The following ELL variants were observed in gnomAD, a reference collection of about 807,000 sequenced individuals.
ELL encodes RNA polymerase II elongation factor ELL.
Under a neutral mutation model 64.0 loss-of-function variants are expected in ELL, and 18 were observed. The ratio of observed to expected loss-of-function variants is 0.28; its 90% CI spans 0.19 to 0.42. ELL has a LOEUF of 0.42. Among genes scored for constraint, ELL ranks in the 10% least tolerant of loss-of-function variants. The pLI is 1.00. For missense variants in ELL, 797 were observed against 870.4 expected (o/e 0.92, Z 1.06); for synonymous variants, 399 against 376.2 (o/e 1.06, Z -0.70).
intron 1 of ELL, among the ~76,000 whole-genome samples, chr19:18,506,867 T>C (rs1975893827): frequency 6.6e-6 from 1 of 152,176 alleles, no homozygotes; most frequent in Non-Finnish European, 1.5e-5. Context: ...CCCTGTCTCA[T>C]TGATCCTACG....
In ELL at chr19:18,465,911, G is replaced by A. The variant is rs142979628; in HGVS notation, c.191C>T (p.Ser64Phe). 6.7e-5 allele frequency: 89 copies of A among 1,320,456 alleles called. No homozygotes were observed. In the African/African-American group the frequency reaches 8.4e-4, roughly 12 times the overall value. 81.8% of individuals were successfully genotyped at this position (1,320,456 alleles called of 1,614,324 possible). Residue 64 changes from serine to phenylalanine, a missense_variant, in exon 3 of 12, where the codon TCC (serine) becomes TTC (phenylalanine). By Grantham distance (155) the Ser-to-Phe change is radical. Coordinates refer to ENST00000262809, the MANE Select transcript of ELL (RefSeq NM_006532.4). ...IRFQGSQGHISIPQPDCPAEA... is the reference protein window; with the variant it reads ...IRFQGSQGHIFIPQPDCPAEA... ...TGCGGGGCAGTCAGGCTGGGGGATG[G>A]AGATGTGCTGCGTGGAGGGGGAGGG...
chr19:18,445,705 G>C (rs1205045402), intron 10 of ELL, among the ~76,000 whole-genome samples: 1 of 152,108 alleles, frequency 6.6e-6, no homozygotes, highest in Non-Finnish European at 1.5e-5. Flanking sequence ...GATTAATCAG[G>C]GCCCAGCCCT....
intron 6 of ELL, among the ~76,000 whole-genome samples, chr19:18,456,945 A>T (rs1974691515): frequency 6.8e-6 from 1 of 146,680 alleles, no homozygotes; most frequent in Non-Finnish European, 1.5e-5. Context: ...TTTCTTAGGG[A>T]TGGGGTGCTA....
intron 6 of ELL, among the ~76,000 whole-genome samples, chr19:18,457,452 C>T (rs919989108): frequency 1.3e-5 from 2 of 152,234 alleles, no homozygotes; most frequent in Non-Finnish European, 2.9e-5. Flanking sequence ...GACAGGCAGG[C>T]ACTACCCTCT....
intron 1 of ELL, among the ~76,000 whole-genome samples, chr19:18,484,874 T>C (rs1048047142): frequency 2.6e-5 from 4 of 152,184 alleles, no homozygotes; most frequent in Non-Finnish European, 5.9e-5. Flanking sequence ...CTTCTGCCCA[T>C]GGTCTGCGGT....
intron 1 of ELL, among the ~76,000 whole-genome samples, chr19:18,520,177 A>AC (rs1976231762): frequency 6.6e-6 from 1 of 152,354 alleles, no homozygotes; most frequent in African/African-American, 2.4e-5. Context: ...GGGCAGCATC[A>AC]GAGAGAAGGC....
chr19:18,469,403 G>A (rs977998565), intron 2 of ELL, among the ~76,000 whole-genome samples: 6 of 152,204 alleles, frequency 3.9e-5, no homozygotes, highest in Non-Finnish European at 8.8e-5. Context: ...CCAGGAATGC[G>A]GCCACTTTCT....
intron 1 of ELL, among the ~76,000 whole-genome samples, chr19:18,521,386 C>T (rs538505653): frequency 6.6e-6 from 1 of 152,138 alleles, no homozygotes; most frequent in East Asian, 1.9e-4. Context: ...AAGCCTTCCA[C>T]CCAGACAGAA....
At chr19:18,464,720 G>A (rs185852382) in intron 4 of ELL, among the ~76,000 whole-genome samples, 27 of 152,322 alleles carry the variant, frequency 1.8e-4, no homozygotes, top group African/African-American at 5.5e-4. Context: ...CCTGAAGCCC[G>A]GCACCCTACT....
At chr19:18,493,053 C>T (rs1004842336) in intron 1 of ELL, among the ~76,000 whole-genome samples, 7 of 152,078 alleles carry the variant, frequency 4.6e-5, no homozygotes, top group Non-Finnish European at 7.4e-5. Flanking sequence ...CAGGTGGCTT[C>T]TAAAGCCAAC....
chr19:18,485,591 G>T (rs568256748), intron 1 of ELL, among the ~76,000 whole-genome samples: 91 of 152,304 alleles, frequency 6.0e-4, no homozygotes, highest in Non-Finnish European at 1.0e-3. Context: ...TCATCTTAGA[G>T]GCGAGATTCA....
chr19:18,504,740 A>G (rs974690761), intron 1 of ELL, among the ~76,000 whole-genome samples: 4 of 152,162 alleles, frequency 2.6e-5, no homozygotes, highest in Admixed American at 2.6e-4. Flanking sequence ...CACATGAGCT[A>G]TATCTCCCCC....
rs370735358 is a variant in ELL, at chr19:18,462,335, C to CTGTGTG, written c.470-489_470-484dup. On this transcript the variant is annotated intron_variant, in intron 4 of 11. Coordinates refer to ENST00000262809, the MANE Select transcript of ELL (RefSeq NM_006532.4). ...GAAATCACCTGATCACTCTAGTGGG[C>CTGTGTG]TGTGTGTGTGTGTGTGTGTGTGTGT... Among the ~76,000 whole-genome samples the CTGTGTG allele has an allele frequency of 1.7e-3, 113 of 64,990 alleles. 12 individuals are homozygous for CTGTGTG. The highest frequency in any genetic ancestry group is 6.9e-3 in the African/African-American group (65 of 9,414). The allele number at this position is 64,990 out of a possible 152,430, so 42.6% of individuals were successfully genotyped here.
intron 1 of ELL, among the ~76,000 whole-genome samples, chr19:18,481,317 G>A (rs1460959246): frequency 2.0e-5 from 3 of 152,252 alleles, no homozygotes; most frequent in Non-Finnish European, 2.9e-5. Context: ...ACGGACTGGG[G>A]GCCAGAAGTC....
rs759620295 is a variant in ELL, at chr19:18,450,694, C to T, written c.1248G>A (p.Ala416=). 8.2e-6 allele frequency: 13 copies of T among 1,584,748 alleles called. No individual in the cohort carries two copies. Among genetic ancestry groups the T allele is most frequent in the East Asian group, 4.6e-5 (2 of 43,594 alleles). The change falls in exon 8 of 12, where the codon GCG becomes GCA. Residue 416 remains alanine (A), a synonymous_variant. Transcript: ENST00000262809. ...HSGRDCEHGE[A]AAPAPTVRLG... Reference sequence around the variant, plus strand: ...GGCGCACAGTGGGGGCTGGGGCAGCCGCCTCTCCGTGCTCACAGTCTCGGC... The same window carrying T: ...GGCGCACAGTGGGGGCTGGGGCAGCTGCCTCTCCGTGCTCACAGTCTCGGC...
In ELL at chr19:18,507,933, G is replaced by A. The variant is rs138484013; in HGVS notation, c.135+13988C>T. On this transcript the variant is annotated intron_variant, in intron 1 of 11. Coordinates refer to ENST00000262809, the MANE Select transcript of ELL (RefSeq NM_006532.4). The stretch of plus-strand genomic sequence containing the variant: ...CAGCAGGCTGAGGCTGACTCCATGC[G>A]GCAGCTGCTCCCAACTCCACAAGGG... Among the ~76,000 whole-genome samples the A allele has an allele frequency of 1.2e-4, 19 of 152,294 alleles. No homozygotes were observed. The East Asian group carries it at 1.9e-3, about 15-fold the overall frequency.
chr19:18,448,225 G>A (rs1160413012), intron 8 of ELL: 2 of 151,890 alleles, frequency 1.3e-5, no homozygotes, highest in East Asian at 3.9e-4. Context: ...CGGAACCACT[G>A]TGCCTGGCCC....
chr19:18,472,457 G>T (rs1975082833), intron 2 of ELL: 1 of 248,812 alleles, frequency 4.0e-6, no homozygotes, highest in South Asian at 1.3e-4. Flanking sequence ...CAGCTGACAG[G>T]AGGCAGAGCT....
At chr19:18,483,865 G>C (rs567242142) in intron 1 of ELL, among the ~76,000 whole-genome samples, 75 of 152,280 alleles carry the variant, frequency 4.9e-4, no homozygotes, top group African/African-American at 1.8e-3. Context: ...GCACCTCCAT[G>C]GGTCAATCTC....
Sources: allele counts gnomAD v4.1 joint callset (sites outside exome capture counted in the v4.1 genomes callset), GRCh38; gene constraint gnomAD v4.1.1; transcripts MANE v1.5; gene names NCBI Gene and HGNC (gene_info 2026-07-23, HGNC 2026-07-21).